Variants in NCALD observed in about 807,000 individuals in gnomAD.
NCALD encodes the protein neurocalcin-delta.
In NCALD, 10 loss-of-function variants were observed where a neutral mutation model predicts 18.6. The observed-to-expected ratio is 0.54, with a 90% confidence interval of 0.33 to 0.91. The LOEUF (loss-of-function observed/expected upper bound fraction) is 0.91, where lower values mean the gene tolerates loss of function less well. Ranked by LOEUF, NCALD falls within the 40% of genes least tolerant of loss-of-function variation. NCALD has a pLI of 0.03. For synonymous variants in NCALD, 88 were observed against 87.4 expected (o/e 1.01, Z -0.04); for missense variants, 184 against 247.6 (o/e 0.74, Z 1.72).
At chr8:101,887,112 C>G (rs1184922142) in intron 4 of NCALD, 2 of 152,034 alleles carry the variant, frequency 1.3e-5, no homozygotes, top group Non-Finnish European at 2.9e-5. Context: ...ACAATTTAAC[C>G]CTTTCAAGAG....
intron 1 of NCALD, among the ~76,000 whole-genome samples, chr8:102,095,381 A>T (rs1256145692): frequency 6.6e-6 from 1 of 152,164 alleles, no homozygotes; most frequent in Non-Finnish European, 1.5e-5. Context: ...TCATTACTTG[A>T]TCTAAAGAAC....
intron 2 of NCALD, among the ~76,000 whole-genome samples, chr8:101,993,148 GAAA>G (rs79585820): frequency 7.3e-6 from 1 of 136,284 alleles, no homozygotes. Flanking sequence ...CACTCTACAG[GAAA>G]AAAAAAAAAA....
rs565144271 is a variant in NCALD at position 101,732,044 on chromosome 8, T to A, written c.-19-12396A>T. On this transcript the variant is annotated intron_variant, in intron 1 of 3. Coordinates refer to ENST00000220931, the MANE Select transcript of NCALD (RefSeq NM_032041.3). Reference sequence around the variant, plus strand: ...TGTTTTGGCTGCCTTGGGAGCCAGATGCTGGACCAGAGCAGGCTGCATCCA... The same window carrying A: ...TGTTTTGGCTGCCTTGGGAGCCAGAAGCTGGACCAGAGCAGGCTGCATCCA... Among the ~76,000 whole-genome samples the A allele has an allele frequency of 9.9e-4, 151 of 152,316 alleles. 1 individual carries two copies. The highest frequency in any genetic ancestry group is 3.6e-3 in the African/African-American group (149 of 41,572).
At chr8:101,951,178 G>A (rs891505490) in intron 2 of NCALD, among the ~76,000 whole-genome samples, 1 of 152,166 alleles carries the variant, frequency 6.6e-6, no homozygotes, top group Non-Finnish European at 1.5e-5. Flanking sequence ...CAATATATAT[G>A]TTTTCAGAGG....
At chr8:102,041,940 C>T (rs1201109014) in intron 1 of NCALD, among the ~76,000 whole-genome samples, 1 of 151,946 alleles carries the variant, frequency 6.6e-6, no homozygotes, top group Non-Finnish European at 1.5e-5. Flanking sequence ...GGTTTTAAAC[C>T]ATTTGGCAGC....
At chr8:101,813,763 C>T (rs923930197) in intron 4 of NCALD, among the ~76,000 whole-genome samples, 1 of 152,066 alleles carries the variant, frequency 6.6e-6, no homozygotes, top group African/African-American at 2.4e-5. Context: ...TTTAAAATGG[C>T]TTTTATTATA....
intron 1 of NCALD, among the ~76,000 whole-genome samples, chr8:101,761,622 CCTT>C (rs1486545572): frequency 6.6e-6 from 1 of 152,158 alleles, no homozygotes; most frequent in Non-Finnish European, 1.5e-5. Flanking sequence ...CCCTTTAAGA[CCTT>C]ATTATTTAGT....
intron 2 of NCALD, among the ~76,000 whole-genome samples, chr8:101,988,136 A>C (rs1820889526): frequency 1.4e-5 from 2 of 145,370 alleles, no homozygotes; most frequent in Non-Finnish European, 3.0e-5. Context: ...GCCTGGGCGA[A>C]ACAGCGAGAC....
At chr8:101,988,104 G>A (rs1193214296) in intron 2 of NCALD, among the ~76,000 whole-genome samples, 3 of 139,356 alleles carry the variant, frequency 2.2e-5, no homozygotes, top group Non-Finnish European at 4.5e-5. Context: ...GCGGTGAGCC[G>A]AGATCGCGCC....
chr8:102,081,545 TAAAAAAAA>T (rs770307937), intron 1 of NCALD, among the ~76,000 whole-genome samples: 1,124 of 68,676 alleles, frequency 0.016, 6 homozygotes, highest in Non-Finnish European at 0.022. Flanking sequence ...CAAATAATGG[TAAAAAAAA>T]AAAAAAAAAA....
At chr8:101,907,904 G>A (rs528092062) in intron 3 of NCALD, among the ~76,000 whole-genome samples, 22 of 152,250 alleles carry the variant, frequency 1.4e-4, no homozygotes, top group Admixed American at 1.1e-3. Context: ...TAATAGCTAC[G>A]TGCCTCTTTT....
intron 2 of NCALD, among the ~76,000 whole-genome samples, chr8:102,008,892 AC>A (rs1211979486): frequency 1.2e-4 from 10 of 86,076 alleles, no homozygotes; most frequent in African/African-American, 4.3e-4. Flanking sequence ...CCCAGCTACC[AC>A]CCCCACCTCC....
At chr8:101,920,129 T>C (rs1818111768) in intron 2 of NCALD, among the ~76,000 whole-genome samples, 1 of 152,098 alleles carries the variant, frequency 6.6e-6, no homozygotes, top group Non-Finnish European at 1.5e-5. Context: ...TGGTGGTGCA[T>C]GCCTGTAGTC....
chr8:101,915,095 T>C lies in NCALD; in HGVS notation c.-107+714A>G, dbSNP rs571486368. ...AACTCATTTAATCCTTGTAATAATC[T>C]CATAACAACAAAATATGGTATTAGT... On this transcript the variant is annotated intron_variant, in intron 3 of 6. Transcript: ENST00000311028. Among the ~76,000 whole-genome samples, 5 of 152,298 alleles carry C rather than the reference T, an allele frequency of 3.3e-5. 1 individual carries two copies. In the East Asian group the frequency reaches 9.6e-4, roughly 29 times the overall value.
chr8:101,884,727 T>C lies in NCALD; in HGVS notation c.-20+2414A>G, dbSNP rs574001587. Among the ~76,000 whole-genome samples, 3 of 148,048 alleles carry C rather than the reference T, an allele frequency of 2.0e-5. No individual in the cohort carries two copies. In the South Asian group the frequency reaches 6.6e-4, roughly 32 times the overall value. ...GTTTTTGTTTTTGTTTTTCACCGAATTTATTAGCTGTTTTGGCATTAAGAA... is the reference window on the plus strand; with the variant it reads ...GTTTTTGTTTTTGTTTTTCACCGAACTTATTAGCTGTTTTGGCATTAAGAA... On this transcript the variant is annotated intron_variant, in intron 4 of 6. Coordinates refer to the NCALD transcript ENST00000311028.
chr8:102,120,149 C>T (rs535497354), intron 1 of NCALD, among the ~76,000 whole-genome samples: 3 of 152,308 alleles, frequency 2.0e-5, no homozygotes, highest in South Asian at 2.1e-4. Flanking sequence ...GTGCTTCTAA[C>T]GCTGTTTCTC....
chr8:101,925,594 C>T (rs1818309471), intron 2 of NCALD, among the ~76,000 whole-genome samples: 1 of 152,084 alleles, frequency 6.6e-6, no homozygotes, highest in Admixed American at 6.6e-5. Context: ...CTCACAGACA[C>T]ATTATTTATA....
intron 4 of NCALD, among the ~76,000 whole-genome samples, chr8:101,853,285 A>G (rs925794549): frequency 1.3e-5 from 2 of 152,160 alleles, no homozygotes; most frequent in Non-Finnish European, 2.9e-5. Context: ...GAAACAGAAA[A>G]CCTGACAGGC....
chr8:101,894,443 A>G (rs1448386318), intron 3 of NCALD, among the ~76,000 whole-genome samples: 1 of 141,424 alleles, frequency 7.1e-6, no homozygotes, highest in Non-Finnish European at 1.5e-5. Flanking sequence ...TAACATCACA[A>G]TTAAAAGAAC....
Sources: allele counts gnomAD v4.1 joint callset (sites outside exome capture counted in the v4.1 genomes callset), GRCh38; gene constraint gnomAD v4.1.1; transcripts MANE v1.5; gene names NCBI Gene and HGNC (gene_info 2026-07-23, HGNC 2026-07-21).